Variants in MOXD1 observed in about 807,000 individuals in gnomAD.
MOXD1 encodes DBH-like monooxygenase protein 1.
Under a neutral mutation model 66.6 loss-of-function variants are expected in MOXD1, and 62 were observed. That is an observed-to-expected ratio of 0.93 (90% CI 0.76 to 1.15). The LOEUF is 1.15. Ranked by LOEUF, MOXD1 falls within the 50% of genes most tolerant of loss-of-function variation. The pLI, the probability that MOXD1 is intolerant of heterozygous loss-of-function variation, is 0.00. For missense variants in MOXD1, 847 were observed against 754.6 expected, an observed-to-expected ratio of 1.12 and a Z score of -1.44; for synonymous variants, 303 against 281.9, an observed-to-expected ratio of 1.07 and a Z score of -0.75.
chr6:132,311,410 A>C (rs565937843), intron 10 of MOXD1, among the ~76,000 whole-genome samples: 2 of 151,648 alleles, frequency 1.3e-5, no homozygotes, highest in East Asian at 3.9e-4. Flanking sequence ...TGAAAATATA[A>C]TAATTATAAT....
chr6:132,341,850 A>T (rs1020765630), intron 4 of MOXD1, among the ~76,000 whole-genome samples: 1 of 152,278 alleles, frequency 6.6e-6, no homozygotes, highest in Non-Finnish European at 1.5e-5. Context: ...GTTGCTCAGA[A>T]CTTCTTTCAG....
intron 1 of MOXD1, among the ~76,000 whole-genome samples, chr6:132,378,714 T>C (rs1404979894): frequency 6.6e-6 from 1 of 151,844 alleles, no homozygotes; most frequent in Admixed American, 6.6e-5. Context: ...AAAACAGAGG[T>C]ACTCTGAATA....
intron 10 of MOXD1, among the ~76,000 whole-genome samples, chr6:132,308,809 A>G (rs1340557074): frequency 6.6e-6 from 1 of 152,244 alleles, no homozygotes; most frequent in Non-Finnish European, 1.5e-5. Flanking sequence ...GGCCTTTGAT[A>G]AAATTCAACA....
At chr6:132,302,517 C>T (rs901642073) in intron 10 of MOXD1, among the ~76,000 whole-genome samples, 19 of 151,860 alleles carry the variant, frequency 1.3e-4, no homozygotes, top group African/African-American at 3.6e-4. Flanking sequence ...CGCAAAACTT[C>T]TATATTGAAA....
intron 1 of MOXD1, among the ~76,000 whole-genome samples, chr6:132,386,282 G>T (rs1480693819): frequency 6.8e-6 from 1 of 146,098 alleles, no homozygotes; most frequent in African/African-American, 2.5e-5. Flanking sequence ...GGCGCCTGTA[G>T]TCCCAGCTAC....
chr6:132,341,529 C>T (rs913780925), intron 4 of MOXD1, among the ~76,000 whole-genome samples: 6 of 152,202 alleles, frequency 3.9e-5, no homozygotes, highest in Non-Finnish European at 7.3e-5. Context: ...TCTGACCAAT[C>T]ATATTCAATG....
At chr6:132,330,173 A>G (rs376313740) in intron 4 of MOXD1, among the ~76,000 whole-genome samples, 8 of 152,262 alleles carry the variant, frequency 5.3e-5, no homozygotes, top group African/African-American at 1.9e-4. Context: ...GGGGTCCCCA[A>G]TCCAGTACTG....
rs369928709 is a variant in MOXD1, at chr6:132,315,708, G to A, written c.1435C>T (p.Arg479Ter). Reference protein sequence around the residue: ...LLYYPRINLTRCASIPDIMEQ... With the variant: ...LLYYPRINLT ...ATAATGTCTGGAATACTTGCACATC[G>A]AGTAAGATTAATTCTTGGGTAATAA... Residue 479 changes from arginine (R) to a stop codon, truncating the protein, a stop_gained, in exon 10 of 12, where the codon CGA becomes TGA. Transcript: ENST00000367963. LOFTEE classifies it high-confidence loss of function. 34 of 1,613,072 alleles carry A rather than the reference G, an allele frequency of 2.1e-5. No homozygotes were observed. Among genetic ancestry groups the A allele is most frequent in the Non-Finnish European group, 2.6e-5 (31 of 1,179,362 alleles).
chr6:132,374,756 T>C lies in MOXD1; in HGVS notation c.286A>G (p.Arg96Gly), dbSNP rs1562296632. 2 of 1,613,796 alleles carry C rather than the reference T, an allele frequency of 1.2e-6. No homozygotes were observed. The highest frequency in any genetic ancestry group is 2.2e-5 in the East Asian group (1 of 44,860). ...TGCTGAGCATCTTTTTTCAACTCTCTATTTGCATTTGTAAAATAATCCTGT... is the reference window on the plus strand; with the variant it reads ...TGCTGAGCATCTTTTTTCAACTCTCCATTTGCATTTGTAAAATAATCCTGT... ...YLQDYFTNAN[R>G]ELKKDAQQDY... Residue 96 changes from arginine (R) to glycine (G), a missense_variant, in exon 2 of 12, where the codon AGA becomes GGA. Physicochemically the swap from Arg to Gly is moderately radical, Grantham distance 125. Transcript: ENST00000367963.
intron 4 of MOXD1, among the ~76,000 whole-genome samples, chr6:132,336,983 A>G (rs887985418): frequency 3.9e-5 from 6 of 152,284 alleles, no homozygotes; most frequent in African/African-American, 1.2e-4. Flanking sequence ...AGCAACCTCC[A>G]GGGATGATGT....
chr6:132,297,224 T>C lies in MOXD1; in HGVS notation c.1771A>G (p.Arg591Gly). The change falls in exon 12 of 12, where the codon AGA (arginine) becomes GGA (glycine). Residue 591 changes from arginine to glycine, a missense_variant. Coordinates refer to ENST00000367963, the MANE Select transcript of MOXD1 (RefSeq NM_015529.4). ...CGTSSSSSLH[R>G]DFSINLLVCL... ...ACAAGCAAGTTGATGGAGAAATCTC[T>C]GTGCAGGGAAGAGGAAGAAGACGTG... The C allele has an allele frequency of 6.2e-7, 1 of 1,613,470 alleles. No homozygotes were observed. The highest frequency in any genetic ancestry group is 8.5e-7 in the Non-Finnish European group (1 of 1,179,516).
chr6:132,370,072 T>A (rs1776234022), intron 4 of MOXD1, among the ~76,000 whole-genome samples: 1 of 152,136 alleles, frequency 6.6e-6, no homozygotes, highest in African/African-American at 2.4e-5. Context: ...AAAATCAATC[T>A]TCTCATTTCT....
chr6:132,363,756 A>T (rs2114645937), intron 4 of MOXD1, among the ~76,000 whole-genome samples: 1 of 152,206 alleles, frequency 6.6e-6, no homozygotes, highest in East Asian at 1.9e-4. Flanking sequence ...TTAAAGTATC[A>T]AAAAAACAAG....
intron 4 of MOXD1, among the ~76,000 whole-genome samples, chr6:132,332,538 G>A (rs1775344914): frequency 6.6e-6 from 1 of 152,170 alleles, no homozygotes; most frequent in Non-Finnish European, 1.5e-5. Flanking sequence ...AGACCACCAT[G>A]GGGATATTAA....
intron 1 of MOXD1, among the ~76,000 whole-genome samples, chr6:132,384,456 G>T (rs1776583323): frequency 6.6e-6 from 1 of 152,184 alleles, no homozygotes; most frequent in Non-Finnish European, 1.5e-5. Context: ...TTATAGTTTA[G>T]TTGGGGGGGA....
chr6:132,308,090 G>GAAAAAAAAAAAAAAA, intron 10 of MOXD1, among the ~76,000 whole-genome samples: 1 of 136,554 alleles, frequency 7.3e-6, no homozygotes, highest in Non-Finnish European at 1.6e-5. Flanking sequence ...GTGGTTTTTT[G>GAAAAAAAAAAAAAAA]AAAAAAAAAA....
At chr6:132,309,942 G>A (rs1248585990) in intron 10 of MOXD1, among the ~76,000 whole-genome samples, 1 of 152,280 alleles carries the variant, frequency 6.6e-6, no homozygotes, top group Admixed American at 6.5e-5. Context: ...ATAGGCATGG[G>A]CAAAGACTTC....
At chr6:132,365,802 C>T (rs1447998097) in intron 4 of MOXD1, among the ~76,000 whole-genome samples, 3 of 152,102 alleles carry the variant, frequency 2.0e-5, no homozygotes, top group African/African-American at 7.2e-5. Context: ...CTTTCAAATG[C>T]ACTAATTTGA....
rs17061196 is a variant in MOXD1 at position 132,341,691 on chromosome 6, C to T, written c.664-13097G>A. Among the ~76,000 whole-genome samples, 920 of 152,322 alleles carry T rather than the reference C, an allele frequency of 6.0e-3. 9 individuals are homozygous for T. Among genetic ancestry groups the T allele is most frequent in the African/African-American group, 0.021 (857 of 41,564 alleles). On this transcript the variant is annotated intron_variant, in intron 4 of 11. Coordinates refer to ENST00000367963, the MANE Select transcript of MOXD1 (RefSeq NM_015529.4). Reference sequence around the variant, plus strand: ...CTTCCCTTTATGCACTATGTTCATTCTTACACTTACGATTTCATTCGTGCT... The same window carrying T: ...CTTCCCTTTATGCACTATGTTCATTTTTACACTTACGATTTCATTCGTGCT...
Sources: allele counts gnomAD v4.1 joint callset (sites outside exome capture counted in the v4.1 genomes callset), GRCh38; gene constraint gnomAD v4.1.1; transcripts MANE v1.5; gene names NCBI Gene and HGNC (gene_info 2026-07-23, HGNC 2026-07-21).